The following CSMD1 variants were observed in gnomAD, a reference collection of about 807,000 sequenced individuals.
CSMD1 encodes CUB and Sushi multiple domains 1.
A neutral mutation model predicts 417.5 loss-of-function variants in CSMD1; 213 were observed. That is an observed-to-expected ratio of 0.51 (90% confidence interval 0.46 to 0.57). CSMD1 has a LOEUF of 0.57. CSMD1 is among the 20% of genes least tolerant of loss of function. The pLI is 0.00. For missense variants in CSMD1, 6,923 were observed against 4,529.7 expected (o/e 1.53, Z -15.17); for synonymous variants, 2,862 against 1,736.8 (o/e 1.65, Z -16.11).
intron 3 of CSMD1, among the ~76,000 whole-genome samples, chr8:4,115,964 T>TTTTATTTA (rs35791469): frequency 2.6e-4 from 35 of 134,312 alleles, no homozygotes; most frequent in East Asian, 4.3e-4. Context: ...GTTTTCATTA[T>TTTTATTTA]TTTATTTATT....
chr8:3,854,391 TATC>T (rs1394864174), intron 5 of CSMD1, among the ~76,000 whole-genome samples: 1 of 152,068 alleles, frequency 6.6e-6, no homozygotes, highest in Non-Finnish European at 1.5e-5. Context: ...TGAATTAAAG[TATC>T]ATATTTTCAG....
chr8:4,109,375 C>A (rs1335154619), intron 3 of CSMD1, among the ~76,000 whole-genome samples: 1 of 152,070 alleles, frequency 6.6e-6, no homozygotes, highest in Non-Finnish European at 1.5e-5. Flanking sequence ...ATTTACTGGG[C>A]ATATAATATA....
intron 3 of CSMD1, among the ~76,000 whole-genome samples, chr8:4,194,920 C>T (rs970269632): frequency 1.3e-5 from 2 of 152,070 alleles, no homozygotes; most frequent in African/African-American, 4.8e-5. Flanking sequence ...AATGGGAGAT[C>T]ACAGTAGAAG....
At chr8:3,260,202 C>A (rs1800952571) in intron 26 of CSMD1, among the ~76,000 whole-genome samples, 1 of 152,150 alleles carries the variant, frequency 6.6e-6, no homozygotes, top group African/African-American at 2.4e-5. Flanking sequence ...TGCTTCCTCA[C>A]CCTGAATTGA....
intron 6 of CSMD1, among the ~76,000 whole-genome samples, chr8:3,728,270 A>G (rs1040420624): frequency 6.6e-6 from 1 of 152,116 alleles, no homozygotes; most frequent in Non-Finnish European, 1.5e-5. Context: ...CTTTGCCGCC[A>G]CCATGTAAGA....
At chr8:4,136,008 T>C (rs1803409489) in intron 3 of CSMD1, among the ~76,000 whole-genome samples, 1 of 152,082 alleles carries the variant, frequency 6.6e-6, no homozygotes, top group Non-Finnish European at 1.5e-5. Context: ...TTGAATTCAA[T>C]TTCAAAAAAT....
At chr8:3,100,847 G>T (rs1221415876) in intron 46 of CSMD1, among the ~76,000 whole-genome samples, 1 of 152,090 alleles carries the variant, frequency 6.6e-6, no homozygotes, top group African/African-American at 2.4e-5. Flanking sequence ...GCACCTATAG[G>T]TATGACAGAA....
chr8:3,200,633 C>A (rs1796944848), intron 32 of CSMD1, among the ~76,000 whole-genome samples: 1 of 151,542 alleles, frequency 6.6e-6, no homozygotes, highest in South Asian at 2.1e-4. Context: ...GTGGAAGAGT[C>A]TGTGTCAAGC....
At chr8:4,303,591 C>T (rs1260964632) in intron 3 of CSMD1, among the ~76,000 whole-genome samples, 2 of 151,932 alleles carry the variant, frequency 1.3e-5, no homozygotes, top group Non-Finnish European at 2.9e-5. Flanking sequence ...TGTGTGGCAC[C>T]TTCTGGACAT....
At chr8:3,812,271 T>C (rs1452210274) in intron 5 of CSMD1, among the ~76,000 whole-genome samples, 2 of 152,226 alleles carry the variant, frequency 1.3e-5, no homozygotes, top group Admixed American at 6.5e-5. Flanking sequence ...TAATAATGCA[T>C]TGTTTTTGGT....
intron 1 of CSMD1, among the ~76,000 whole-genome samples, chr8:4,937,471 T>TA (rs1807699873): frequency 6.6e-6 from 1 of 152,194 alleles, no homozygotes; most frequent in Admixed American, 6.5e-5. Context: ...GGTATTTTCT[T>TA]ATGTGTTGGA....
chr8:3,155,094 T>C (rs1259814873), intron 39 of CSMD1, among the ~76,000 whole-genome samples: 3 of 149,876 alleles, frequency 2.0e-5, no homozygotes, highest in Non-Finnish European at 2.9e-5. Flanking sequence ...GAAAAGCCTA[T>C]TATATTTTGC....
intron 7 of CSMD1, among the ~76,000 whole-genome samples, chr8:3,675,217 T>C (rs888831670): frequency 6.6e-6 from 1 of 152,156 alleles, no homozygotes; most frequent in Non-Finnish European, 1.5e-5. Flanking sequence ...ACCACACCTG[T>C]TCTCCTTGCA....
intron 5 of CSMD1, among the ~76,000 whole-genome samples, chr8:3,816,610 T>C (rs982401263): frequency 4.6e-5 from 7 of 152,092 alleles, no homozygotes; most frequent in African/African-American, 7.2e-5. Context: ...TTCACAATAA[T>C]GTACCAAACA....
At chr8:4,257,839 T>A (rs565078832) in intron 3 of CSMD1, among the ~76,000 whole-genome samples, 83 of 152,330 alleles carry the variant, frequency 5.4e-4, no homozygotes, top group African/African-American at 1.9e-3. Flanking sequence ...ATACAGAAAG[T>A]AAGCAGTCAT....
At chr8:4,848,275 T>C (rs1435060696) in intron 1 of CSMD1, among the ~76,000 whole-genome samples, 1 of 152,244 alleles carries the variant, frequency 6.6e-6, no homozygotes, top group East Asian at 1.9e-4. Context: ...AATGTTGACA[T>C]AAACATTGTT....
chr8:3,796,044 T>A (rs566119581), intron 5 of CSMD1, among the ~76,000 whole-genome samples: 1 of 56,126 alleles, frequency 1.8e-5, no homozygotes, highest in Non-Finnish European at 3.9e-5. Flanking sequence ...GATATATATC[T>A]ATCATAGATA....
At chr8:4,192,077 A>T (rs1382339502) in intron 3 of CSMD1, among the ~76,000 whole-genome samples, 1 of 152,124 alleles carries the variant, frequency 6.6e-6, no homozygotes. Context: ...GCCATTACAG[A>T]CAAACAGAAA....
chr8:4,840,878 G>A (rs1261871771), intron 1 of CSMD1, among the ~76,000 whole-genome samples: 2 of 152,214 alleles, frequency 1.3e-5, no homozygotes, highest in African/African-American at 4.8e-5. Context: ...GTTATTAAGT[G>A]CCTAATATTT....
Sources: allele counts gnomAD v4.1 joint callset (sites outside exome capture counted in the v4.1 genomes callset), GRCh38; gene constraint gnomAD v4.1.1; transcripts MANE v1.5; gene names NCBI Gene and HGNC (gene_info 2026-07-23, HGNC 2026-07-21).